The following METTL15 variants were observed in gnomAD, a reference collection of about 807,000 sequenced individuals.
METTL15 encodes methyltransferase 15, mitochondrial 12S rRNA N4-cytidine, also known as 12S rRNA N(4)-cytidine methyltransferase METTL15.
In METTL15, 34 loss-of-function variants were observed where a neutral mutation model predicts 38.3. The ratio of observed to expected loss-of-function variants is 0.89; its 90% CI spans 0.68 to 1.18. METTL15 has a LOEUF of 1.18. Ranked by LOEUF, METTL15 falls within the 50% of genes most tolerant of loss-of-function variation. The probability of loss-of-function intolerance (pLI) is 0.00; values close to 1 mark genes in which losing one functional copy is unlikely to be tolerated. For missense variants in METTL15, 438 were observed against 498.4 expected (o/e 0.88, Z 1.15); for synonymous variants, 162 against 170.9 (o/e 0.95, Z 0.41).
At chr11:28,328,236 A>G (rs1407228563) in intron 6 of METTL15, 1 of 1,437,426 alleles carries the variant, frequency 7.0e-7, no homozygotes, top group East Asian at 2.4e-5. Flanking sequence ...TTGTTGGAAG[A>G]TAAATCCCCT....
intron 3 of METTL15, among the ~76,000 whole-genome samples, chr11:28,190,516 A>ATTTT: frequency 6.6e-6 from 1 of 151,382 alleles, no homozygotes; most frequent in South Asian, 2.1e-4. Flanking sequence ...GAATTATTTT[A>ATTTT]GAATTACAAA....
At chr11:28,433,186 C>T (rs1440959668) in intron 6 of METTL15, among the ~76,000 whole-genome samples, 19 of 138,236 alleles carry the variant, frequency 1.4e-4, no homozygotes, top group African/African-American at 4.3e-4. Context: ...TTTTTTGGCT[C>T]TGTCATTAGT....
At chr11:28,322,815 T>C (rs1319803231) in intron 6 of METTL15, among the ~76,000 whole-genome samples, 1 of 152,216 alleles carries the variant, frequency 6.6e-6, no homozygotes, top group Non-Finnish European at 1.5e-5. Context: ...CCATCCTAAA[T>C]GTTCCTGCTG....
At chr11:28,437,889 C>T (rs912685093) in intron 6 of METTL15, among the ~76,000 whole-genome samples, 4 of 152,128 alleles carry the variant, frequency 2.6e-5, no homozygotes, top group Non-Finnish European at 5.9e-5. Context: ...TGAATGAATG[C>T]GTGAATAAAT....
At chr11:28,417,862 G>A (rs560630106) in intron 5 of METTL15, among the ~76,000 whole-genome samples, 1 of 152,248 alleles carries the variant, frequency 6.6e-6, no homozygotes, top group Admixed American at 6.5e-5. Context: ...AAGTTCATAT[G>A]TATAAAAATA....
intron 6 of METTL15, among the ~76,000 whole-genome samples, chr11:28,312,932 A>G (rs1429475013): frequency 1.3e-5 from 2 of 151,226 alleles, no homozygotes; most frequent in African/African-American, 2.4e-5. Flanking sequence ...GTTTCAACAC[A>G]TGAACTTTGG....
chr11:28,237,370 A>C (rs1018409965), intron 4 of METTL15, among the ~76,000 whole-genome samples: 4 of 152,042 alleles, frequency 2.6e-5, no homozygotes, highest in African/African-American at 9.7e-5. Flanking sequence ...CATCACTGAT[A>C]CCCTTTCTTC....
chr11:28,473,108 T>G (rs1161376573), intron 6 of METTL15, among the ~76,000 whole-genome samples: 1 of 152,152 alleles, frequency 6.6e-6, no homozygotes, highest in African/African-American at 2.4e-5. Context: ...GAGAGTGGTG[T>G]GATTGACATT....
chr11:28,305,375 T>A (rs1396501198), intron 6 of METTL15, among the ~76,000 whole-genome samples: 2 of 152,172 alleles, frequency 1.3e-5, no homozygotes, highest in Non-Finnish European at 2.9e-5. Flanking sequence ...TAGCTAACAC[T>A]TACTGAGCAA....
chr11:28,428,185 C>A (rs1249099499), intron 6 of METTL15, among the ~76,000 whole-genome samples: 1 of 152,178 alleles, frequency 6.6e-6, no homozygotes, highest in African/African-American at 2.4e-5. Context: ...GCCTACTACA[C>A]ACTCAGGCTA....
intron 6 of METTL15, among the ~76,000 whole-genome samples, chr11:28,430,929 C>T (rs1850919955): frequency 8.8e-6 from 1 of 113,764 alleles, no homozygotes; most frequent in African/African-American, 3.2e-5. Context: ...GCCCGGCCAG[C>T]CGCCCCGTCC....
chr11:28,286,107 G>A (rs1053951892), intron 4 of METTL15, among the ~76,000 whole-genome samples: 4 of 152,116 alleles, frequency 2.6e-5, no homozygotes, highest in Non-Finnish European at 5.9e-5. Flanking sequence ...TCACCTGATT[G>A]TGGGGTCTGA....
intron 6 of METTL15, among the ~76,000 whole-genome samples, chr11:28,512,462 C>T (rs760957962): frequency 1.3e-5 from 2 of 152,210 alleles, no homozygotes; most frequent in Non-Finnish European, 2.9e-5. Flanking sequence ...GGCTGCAGGT[C>T]CTGAGCCCTG....
chr11:28,467,447 T>G (rs1423493843), intron 6 of METTL15, among the ~76,000 whole-genome samples: 1 of 152,220 alleles, frequency 6.6e-6, no homozygotes, highest in Non-Finnish European at 1.5e-5. Context: ...TACTCCACTC[T>G]GCGTGTATCT....
chr11:28,519,461 A>C (rs1475600461), intron 6 of METTL15: 1 of 152,232 alleles, frequency 6.6e-6, no homozygotes, highest in Non-Finnish European at 1.5e-5. Context: ...AGGCTGAGGC[A>C]GGAGAATGGG....
At chr11:28,383,489 G>A (rs955756782) in intron 5 of METTL15, among the ~76,000 whole-genome samples, 2 of 152,088 alleles carry the variant, frequency 1.3e-5, no homozygotes, top group Non-Finnish European at 2.9e-5. Flanking sequence ...ACCAATAATA[G>A]TATTGCTGGG....
chr11:28,121,913 T>C (rs1852256264), intron 3 of METTL15, among the ~76,000 whole-genome samples: 1 of 152,012 alleles, frequency 6.6e-6, no homozygotes, highest in African/African-American at 2.4e-5. Context: ...TGCCTGGCAA[T>C]GTGATGAATA....
At chr11:28,168,694 G>A (rs1850746033) in intron 3 of METTL15, among the ~76,000 whole-genome samples, 1 of 146,080 alleles carries the variant, frequency 6.8e-6, no homozygotes, top group Admixed American at 6.9e-5. Context: ...ACAAACTGTA[G>A]TACAAATATT....
intron 4 of METTL15, among the ~76,000 whole-genome samples, chr11:28,270,310 G>A (rs548962019): frequency 1.7e-4 from 26 of 152,180 alleles, no homozygotes; most frequent in African/African-American, 5.5e-4. Context: ...ATATGTATAC[G>A]TTGTGGAATA....
Sources: allele counts gnomAD v4.1 joint callset (sites outside exome capture counted in the v4.1 genomes callset), GRCh38; gene constraint gnomAD v4.1.1; transcripts MANE v1.5; gene names NCBI Gene and HGNC (gene_info 2026-07-23, HGNC 2026-07-21).